Variants in TANC1 observed in about 807,000 individuals in gnomAD.
TANC1 encodes the protein tetratricopeptide repeat, ankyrin repeat and coiled-coil containing 1.
Under a neutral mutation model 149.7 loss-of-function variants are expected in TANC1, and 77 were observed. The observed-to-expected ratio is 0.51, with a 90% CI of 0.43 to 0.62. The LOEUF (loss-of-function observed/expected upper bound fraction) is 0.62, where lower values mean the gene tolerates loss of function less well. TANC1 is among the 20% of genes least tolerant of loss of function. The pLI, the probability that TANC1 is intolerant of heterozygous loss-of-function variation, is 0.00. For missense variants in TANC1, 1,985 were observed against 2,321.8 expected (o/e 0.85, Z 2.98); for synonymous variants, 854 against 925.0 (o/e 0.92, Z 1.39).
intron 8 of TANC1, 105 bp from the exon 9 acceptor site, chr2:159,169,145 T>G (rs1194039153): frequency 1.3e-6 from 1 of 797,076 alleles, no homozygotes; most frequent in Non-Finnish European, 1.9e-6. Flanking sequence ...GTAAATTTTG[T>G]TGAAAGCCTG....
intron 5 of TANC1, among the ~76,000 whole-genome samples, chr2:159,146,038 A>G (rs2150286110): frequency 6.6e-6 from 1 of 152,308 alleles, no homozygotes; most frequent in East Asian, 1.9e-4. Flanking sequence ...GTGCTTTTGT[A>G]GTAACTAGCC....
intron 4 of TANC1, among the ~76,000 whole-genome samples, chr2:159,132,972 G>C (rs762776263): frequency 3.9e-5 from 6 of 152,126 alleles, no homozygotes; most frequent in Non-Finnish European, 8.8e-5. Flanking sequence ...TGGGTTCCAG[G>C]ATCCAGACAT....
At chr2:159,059,936 T>C (rs1335402176) in intron 2 of TANC1, among the ~76,000 whole-genome samples, 1 of 87,390 alleles carries the variant, frequency 1.1e-5, no homozygotes, top group Admixed American at 1.3e-4. Flanking sequence ...GTGTGGTTTT[T>C]TGTTGTTGTT....
At chr2:158,986,100 A>C (rs976567299) in intron 1 of TANC1, among the ~76,000 whole-genome samples, 2 of 152,214 alleles carry the variant, frequency 1.3e-5, no homozygotes, top group Non-Finnish European at 2.9e-5. Flanking sequence ...TTTTGCATGA[A>C]TGACTCCATT....
intron 6 of TANC1, 143 bp downstream of exon 6, chr2:159,149,415 C>A: frequency 7.9e-7 from 1 of 1,266,944 alleles, no homozygotes; most frequent in Non-Finnish European, 1.1e-6. Flanking sequence ...TTTATTTCAA[C>A]AGTTTGGTTC....
chr2:159,198,871 G>A lies in TANC1; in HGVS notation c.3166-104G>A, dbSNP rs1264838147. On this transcript the variant is annotated intron_variant, in intron 18 of 26. Coordinates refer to ENST00000263635, the MANE Select transcript of TANC1 (RefSeq NM_033394.3). ...ATATTTTTCTCTCCTTGGGCAGTGT[G>A]AGATAATGGTTAAAAAACAACACAC... 1.8e-5 allele frequency: 14 copies of A among 763,444 alleles called. No individual in the cohort carries two copies. In the Admixed American group the frequency reaches 3.0e-4, roughly 16 times the overall value. The allele number at this position is 763,444 out of a possible 1,614,324, so 47.3% of individuals were successfully genotyped here.
rs913633805 is a variant in TANC1, at chr2:159,093,734, C to G, written c.62-3903C>G. ...GGTAAAGTAAACTTGAAATGGAAAC[C>G]CCCCTCCCCCTCCCTCTTCTCTTAA... On this transcript the variant is annotated intron_variant, in intron 3 of 26. Coordinates refer to ENST00000263635, the MANE Select transcript of TANC1 (RefSeq NM_033394.3). Among the ~76,000 whole-genome samples, 11 of 151,546 alleles carry G rather than the reference C, an allele frequency of 7.3e-5. 1 individual carries two copies. The East Asian group carries it at 2.1e-3, about 29-fold the overall frequency.
intron 7 of TANC1, among the ~76,000 whole-genome samples, chr2:159,159,932 G>A (rs905327131): frequency 6.6e-6 from 1 of 152,088 alleles, no homozygotes; most frequent in African/African-American, 2.4e-5. Context: ...GATGCAGGAG[G>A]ACTGATTGAG....
At chr2:159,139,185 T>C (rs896466684) in intron 5 of TANC1, among the ~76,000 whole-genome samples, 1 of 152,050 alleles carries the variant, frequency 6.6e-6, no homozygotes, top group African/African-American at 2.4e-5. Flanking sequence ...CTGAGCAGCA[T>C]AGTGAGACCT....
chr2:159,113,795 G>A (rs2047985329), intron 4 of TANC1, among the ~76,000 whole-genome samples: 1 of 152,204 alleles, frequency 6.6e-6, no homozygotes, highest in Admixed American at 6.5e-5. Context: ...CAAGGAGTTT[G>A]TGATAAGCCT....
At chr2:159,049,014 G>GT (rs1280234907) in intron 2 of TANC1, among the ~76,000 whole-genome samples, 1 of 152,152 alleles carries the variant, frequency 6.6e-6, no homozygotes, top group African/African-American at 2.4e-5. Context: ...AGACCTGGCT[G>GT]TTTTATATTT....
chr2:159,068,992 C>G (rs761138855), intron 3 of TANC1, among the ~76,000 whole-genome samples: 1 of 152,176 alleles, frequency 6.6e-6, no homozygotes, highest in Non-Finnish European at 1.5e-5. Flanking sequence ...CCACTCGCCT[C>G]GGCCTCGCAA....
chr2:159,212,378 C>T (rs1477612699), intron 19 of TANC1, among the ~76,000 whole-genome samples: 8 of 152,148 alleles, frequency 5.3e-5, no homozygotes, highest in African/African-American at 1.7e-4. Flanking sequence ...GGTTCAATAC[C>T]CAGATCTTCT....
chr2:159,094,774 T>TC (rs1553547237), intron 3 of TANC1, among the ~76,000 whole-genome samples: 1 of 53,416 alleles, frequency 1.9e-5, no homozygotes, highest in African/African-American at 5.8e-5. Context: ...TGTGTGTGTG[T>TC]GGGGGGGGGG....
chr2:159,088,570 T>C (rs953130602), intron 3 of TANC1, among the ~76,000 whole-genome samples: 2 of 152,212 alleles, frequency 1.3e-5, no homozygotes, highest in Non-Finnish European at 2.9e-5. Flanking sequence ...CCTTAGTCTG[T>C]AGTATAGCTC....
intron 4 of TANC1, among the ~76,000 whole-genome samples, chr2:159,114,467 G>A (rs1473652467): frequency 2.6e-5 from 4 of 152,160 alleles, no homozygotes; most frequent in Non-Finnish European, 4.4e-5. Flanking sequence ...TGCTTTTAAG[G>A]TGGGGGGAAA....
At chr2:159,152,463 ATTTT>A (rs55894080) in intron 7 of TANC1, among the ~76,000 whole-genome samples, 1 of 118,146 alleles carries the variant, frequency 8.5e-6, no homozygotes, top group East Asian at 2.3e-4. Context: ...TTATAACCAA[ATTTT>A]TTTTTTTTTT....
Position 159,178,861 on chromosome 2 carries a change from C to T in TANC1, c.2208C>T (p.Leu736=). 2 of 1,614,194 alleles carry T rather than the reference C, an allele frequency of 1.2e-6. No individual in the cohort carries two copies. The highest frequency in any genetic ancestry group is 1.7e-6 in the Non-Finnish European group (2 of 1,180,050). The change falls in exon 14 of 27, where the codon CTC becomes CTT. Residue 736 remains leucine (L), a synonymous_variant. Coordinates refer to ENST00000263635, the MANE Select transcript of TANC1 (RefSeq NM_033394.3). ...TGGTGCCCGTGTCTCTCTCTGAGCT[C>T]TATTTGCTTCAGTGCAACATGAAGT... The part of the protein sequence containing the change: ...YKVVPVSLSE[L]YLLQCNMKFM...
At chr2:158,994,166 T>G (rs2035933920) in intron 1 of TANC1, among the ~76,000 whole-genome samples, 1 of 152,204 alleles carries the variant, frequency 6.6e-6, no homozygotes, top group African/African-American at 2.4e-5. Context: ...CATAGAATTG[T>G]TTTGCAATTA....
Sources: allele counts gnomAD v4.1 joint callset (sites outside exome capture counted in the v4.1 genomes callset), GRCh38; gene constraint gnomAD v4.1.1; transcripts MANE v1.5; gene names NCBI Gene and HGNC (gene_info 2026-07-23, HGNC 2026-07-21).